CSMD1: variants seen among roughly 807,000 people sequenced by gnomAD.
The protein encoded by CSMD1 is CUB and Sushi multiple domains 1, also known as CUB and sushi domain-containing protein 1.
In CSMD1, 213 loss-of-function variants were observed where a neutral mutation model predicts 417.5. The ratio of observed to expected loss-of-function variants is 0.51; its 90% CI spans 0.46 to 0.57. The LOEUF is 0.57. Ranked by LOEUF, CSMD1 falls within the 20% of genes least tolerant of loss-of-function variation. CSMD1 has a pLI of 0.00. For missense variants in CSMD1, 6,923 were observed against 4,529.7 expected (o/e 1.53, Z -15.17); for synonymous variants, 2,862 against 1,736.8 (o/e 1.65, Z -16.11).
chr8:4,385,896 C>G (rs1803416667), intron 3 of CSMD1, among the ~76,000 whole-genome samples: 2 of 152,198 alleles, frequency 1.3e-5, no homozygotes, highest in African/African-American at 4.8e-5. Flanking sequence ...AGAATTTTCT[C>G]AGAACCAGTT....
At chr8:4,505,407 A>G (rs886452461) in intron 2 of CSMD1, among the ~76,000 whole-genome samples, 1 of 152,234 alleles carries the variant, frequency 6.6e-6, no homozygotes, top group African/African-American at 2.4e-5. Context: ...TAAAGATATT[A>G]AATCAATAAA....
At chr8:4,220,021 C>G (rs1272754917) in intron 3 of CSMD1, among the ~76,000 whole-genome samples, 1 of 152,096 alleles carries the variant, frequency 6.6e-6, no homozygotes, top group African/African-American at 2.4e-5. Flanking sequence ...GCGATCTAGG[C>G]TGACTACAAC....
chr8:4,565,640 C>T (rs533496794), intron 2 of CSMD1, among the ~76,000 whole-genome samples: 1 of 151,330 alleles, frequency 6.6e-6, no homozygotes, highest in East Asian at 1.9e-4. Context: ...GAGGCTGAAG[C>T]AGGAGAACCG....
chr8:4,671,098 G>C (rs149925954), intron 1 of CSMD1, among the ~76,000 whole-genome samples: 1 of 152,168 alleles, frequency 6.6e-6, no homozygotes, highest in Admixed American at 6.5e-5. Context: ...TGAATCTGTG[G>C]CTTGAAAAAC....
intron 9 of CSMD1, among the ~76,000 whole-genome samples, chr8:3,579,020 A>G (rs1257208218): frequency 6.6e-6 from 1 of 152,188 alleles, no homozygotes; most frequent in Non-Finnish European, 1.5e-5. Flanking sequence ...CATCTAATAG[A>G]GAGTAAAATT....
chr8:3,308,037 A>T (rs1005840378), intron 24 of CSMD1, among the ~76,000 whole-genome samples: 1 of 152,168 alleles, frequency 6.6e-6, no homozygotes, highest in Non-Finnish European at 1.5e-5. Flanking sequence ...GAGAGCATAA[A>T]GCAATAAGAC....
chr8:4,268,974 A>G (rs1355246184), intron 3 of CSMD1, among the ~76,000 whole-genome samples: 2 of 152,168 alleles, frequency 1.3e-5, no homozygotes, highest in African/African-American at 4.8e-5. Flanking sequence ...TATTTTTTCA[A>G]TATATGAAAC....
chr8:3,322,373 A>T (rs890511614), intron 23 of CSMD1, among the ~76,000 whole-genome samples: 1 of 152,244 alleles, frequency 6.6e-6, no homozygotes. Flanking sequence ...AACATATATA[A>T]GAATGAGCAA....
At chr8:4,705,482 T>C (rs1807873872) in intron 1 of CSMD1, among the ~76,000 whole-genome samples, 1 of 152,188 alleles carries the variant, frequency 6.6e-6, no homozygotes, top group Non-Finnish European at 1.5e-5. Context: ...CTGTGTACAA[T>C]TGCAATTATC....
chr8:3,239,974 A>G (rs1469427441), intron 26 of CSMD1, among the ~76,000 whole-genome samples: 5 of 151,664 alleles, frequency 3.3e-5, no homozygotes, highest in Admixed American at 6.6e-5. Flanking sequence ...AGCAGAAAGT[A>G]TATGTGTCAA....
intron 12 of CSMD1, among the ~76,000 whole-genome samples, chr8:3,452,430 T>C (rs1345665124): frequency 6.6e-6 from 1 of 152,202 alleles, no homozygotes; most frequent in Admixed American, 6.5e-5. Flanking sequence ...TTTTGCCCCT[T>C]CAGTATGATA....
intron 2 of CSMD1, among the ~76,000 whole-genome samples, chr8:4,489,850 T>C (rs940489868): frequency 6.6e-6 from 1 of 152,260 alleles, no homozygotes; most frequent in East Asian, 1.9e-4. Context: ...TGTGAGGTCG[T>C]AAGCAGGGTG....
chr8:3,205,370 C>T (rs1170783222), intron 31 of CSMD1, 134 bp downstream of exon 31: 1 of 569,994 alleles, frequency 1.8e-6, no homozygotes, highest in Admixed American at 3.3e-5. Context: ...GGAAGGCCTG[C>T]TACTTAAATG....
chr8:4,881,006 C>G (rs1321858615), intron 1 of CSMD1, among the ~76,000 whole-genome samples: 1 of 152,020 alleles, frequency 6.6e-6, no homozygotes, highest in East Asian at 1.9e-4. Context: ...CTTTCCTTTC[C>G]TTTCCCACCT....
At chr8:3,323,846 C>G (rs946336968) in intron 23 of CSMD1, among the ~76,000 whole-genome samples, 4 of 114,018 alleles carry the variant, frequency 3.5e-5, no homozygotes, top group African/African-American at 9.6e-5. Flanking sequence ...ATTGTTAAAA[C>G]AGACACACAT....
chr8:4,322,245 A>G (rs1461648116), intron 3 of CSMD1, among the ~76,000 whole-genome samples: 1 of 152,202 alleles, frequency 6.6e-6, no homozygotes, highest in Non-Finnish European at 1.5e-5. Context: ...ATTTGAAAAC[A>G]TACTGTATTT....
At chr8:3,272,658 G>A (rs1217582868) in intron 26 of CSMD1, among the ~76,000 whole-genome samples, 84 of 138,898 alleles carry the variant, frequency 6.0e-4, no homozygotes, top group African/African-American at 2.2e-3. Flanking sequence ...TCCCTTGTAA[G>A]TTGGATTCCT....
intron 1 of CSMD1, among the ~76,000 whole-genome samples, chr8:4,864,070 A>T (rs1042129375): frequency 6.6e-6 from 1 of 152,012 alleles, no homozygotes; most frequent in Non-Finnish European, 1.5e-5. Flanking sequence ...TGTTACAAGT[A>T]AAAAAGTGTA....
At chr8:4,641,055 T>C (rs141243571) in intron 1 of CSMD1, among the ~76,000 whole-genome samples, 2 of 151,580 alleles carry the variant, frequency 1.3e-5, no homozygotes, top group African/African-American at 2.4e-5. Context: ...ATTTCATATA[T>C]ATATATATGA....
Sources: gnomAD v4.1 joint callset for allele counts (sites outside exome capture counted in the v4.1 genomes callset) on GRCh38, gnomAD v4.1.1 for gene constraint, MANE v1.5 for transcripts, NCBI Gene and HGNC (gene_info 2026-07-23, HGNC 2026-07-21) for gene names.